Variants in NUTM2E observed in about 807,000 individuals in gnomAD.
The protein encoded by NUTM2E is family with sequence similarity 22, member E.
NUTM2E carries 3 observed loss-of-function variants against 26.1 expected under a neutral mutation model. The ratio of observed to expected loss-of-function variants is 0.12; its 90% CI spans 0.05 to 0.30. The LOEUF (loss-of-function observed/expected upper bound fraction) is 0.30, where lower values mean the gene tolerates loss of function less well. NUTM2E is among the 10% of genes least tolerant of loss of function. The probability of loss-of-function intolerance (pLI) is 1.00; values close to 1 mark genes in which losing one functional copy is unlikely to be tolerated. For synonymous variants in NUTM2E, 13 were observed against 157.5 expected (o/e 0.08, Z 6.87); for missense variants, 62 against 381.3 (o/e 0.16, Z 6.97).
chr10:79,834,102 AAC>A (rs1174833358), intron 1 of NUTM2E, among the ~76,000 whole-genome samples: 1 of 151,628 alleles, frequency 6.6e-6, no homozygotes, highest in African/African-American at 2.4e-5. Context: ...TCAGCAAACT[AAC>A]ACAGGAACAG....
At chr10:79,833,731 G>A (rs1262788366) in intron 1 of NUTM2E, among the ~76,000 whole-genome samples, 1 of 151,882 alleles carries the variant, frequency 6.6e-6, no homozygotes, top group African/African-American at 2.4e-5. Context: ...GAGAGGATGT[G>A]AAGAAACAGG....
intron 1 of NUTM2E, among the ~76,000 whole-genome samples, chr10:79,837,200 C>T (rs1434230110): frequency 6.6e-6 from 1 of 151,828 alleles, no homozygotes; most frequent in Non-Finnish European, 1.5e-5. Flanking sequence ...CAGTATGTTA[C>T]ATTTAATGTC....
At chr10:79,834,091 A>T (rs774485697) in intron 1 of NUTM2E, among the ~76,000 whole-genome samples, 63 of 151,650 alleles carry the variant, frequency 4.2e-4, no homozygotes, top group Non-Finnish European at 8.1e-4. Flanking sequence ...AACCATCATT[A>T]TCAGCAAACT....
At chr10:79,829,004 A>T (rs527970861) in intron 1 of NUTM2E, among the ~76,000 whole-genome samples, 2 of 151,988 alleles carry the variant, frequency 1.3e-5, no homozygotes, top group South Asian at 4.2e-4. Context: ...TATTTATAAT[A>T]TAACTGTTGA....
intron 1 of NUTM2E, among the ~76,000 whole-genome samples, chr10:79,832,461 T>C (rs1841933261): frequency 6.6e-6 from 1 of 151,776 alleles, no homozygotes; most frequent in African/African-American, 2.4e-5. Flanking sequence ...AATCAGTGGG[T>C]ATTTCAGTAT....
intron 5 of NUTM2E, among the ~76,000 whole-genome samples, chr10:79,845,614 G>A (rs948840016): frequency 7.0e-5 from 7 of 99,588 alleles, no homozygotes; most frequent in African/African-American, 1.3e-4. Context: ...CCAAAGCCAC[G>A]GGCTCCAGTG....
At chr10:79,838,707 G>A (rs1356331507) in intron 2 of NUTM2E, among the ~76,000 whole-genome samples, 73 bp from the exon 3 acceptor site, 1 of 151,964 alleles carries the variant, frequency 6.6e-6, no homozygotes, top group African/African-American at 2.4e-5. Context: ...GGGTCGCCCC[G>A]CGGACACTGG....
At chr10:79,832,108 A>G (rs543383490) in intron 1 of NUTM2E, among the ~76,000 whole-genome samples, 147 of 152,242 alleles carry the variant, frequency 9.7e-4, no homozygotes, top group African/African-American at 3.4e-3. Flanking sequence ...AGGGCCCACC[A>G]CTGAATACTA....
At chr10:79,828,102 G>GT (rs1218037966) in intron 1 of NUTM2E, among the ~76,000 whole-genome samples, 1 of 151,462 alleles carries the variant, frequency 6.6e-6, no homozygotes, top group African/African-American at 2.4e-5. Flanking sequence ...GCCGACAGGT[G>GT]TTTTTTATGA....
At chr10:79,834,667 TAA>T (rs377301904) in intron 1 of NUTM2E, among the ~76,000 whole-genome samples, 4 of 135,254 alleles carry the variant, frequency 3.0e-5, no homozygotes, top group Non-Finnish European at 4.8e-5. Context: ...TGCTCCATCT[TAA>T]AAAAAAAAAA....
chr10:79,845,143 C>G (rs1160140823), intron 5 of NUTM2E, among the ~76,000 whole-genome samples: 1 of 112,784 alleles, frequency 8.9e-6, no homozygotes, highest in Non-Finnish European at 2.3e-5. Flanking sequence ...ACAGAAGACC[C>G]AGGTCAGAGA....
At chr10:79,829,445 A>C (rs1177667857) in intron 1 of NUTM2E, among the ~76,000 whole-genome samples, 1 of 151,904 alleles carries the variant, frequency 6.6e-6, no homozygotes, top group Non-Finnish European at 1.5e-5. Flanking sequence ...TAACATAAAA[A>C]GGTTAAATAA....
At position 79,838,391 on chromosome 10, in the gene NUTM2E, TACTC is replaced by T. The variant is rs201210564; in HGVS notation, c.-2643_-2640del. 4.8e-3 allele frequency among the ~76,000 whole-genome samples: 647 copies of T among 135,914 alleles called. 13 individuals carry two copies. The highest frequency in any genetic ancestry group is 0.017 in the African/African-American group (619 of 36,892). 89.2% of individuals were successfully genotyped at this position (135,914 alleles called of 152,430 possible). Reference sequence around the variant, plus strand: ...GATCAAGTCAACAAGCTTCACAACTTACTCAATGAGGTCGTCCGTGAGAACTTCA... The same window carrying T: ...GATCAAGTCAACAAGCTTCACAACTTAATGAGGTCGTCCGTGAGAACTTCA... On this transcript the variant is annotated 5_prime_UTR_variant, in exon 2 of 10. An upstream open reading frame in the 5' UTR loses its in-frame stop. Coordinates refer to ENST00000429984, the MANE Select transcript of NUTM2E (RefSeq NM_001355263.2).
rs1259499327 is a variant in NUTM2E, at chr10:79,840,583, G to T, written c.-1158G>T. ...TTCTCACACAACTGGGGCAGTGGGGGAGAACCCTGGGCTTGAGACTTGCAA... is the reference window on the plus strand; with the variant it reads ...TTCTCACACAACTGGGGCAGTGGGGTAGAACCCTGGGCTTGAGACTTGCAA... On this transcript the variant is annotated 5_prime_UTR_variant, in exon 4 of 10. Transcript: ENST00000429984. 6.9e-6 allele frequency among the ~76,000 whole-genome samples: 1 copy of T among 145,730 alleles called. No individual in the cohort carries two copies. The highest frequency in any genetic ancestry group is 1.5e-5 in the Non-Finnish European group (1 of 65,668).
In NUTM2E at chr10:79,827,130, G is replaced by T. The variant is rs1841888852; in HGVS notation, c.-2955G>T. On this transcript the variant is annotated 5_prime_UTR_variant, in exon 1 of 10. Transcript: ENST00000429984. ...GGTGCGAGCCCCTCGCCCCTGGCCG[G>T]GCCAGCCTCTTGATGCACCGGGGAC... 1 of 152,768 alleles carries T rather than the reference G, an allele frequency of 6.5e-6. No individual in the cohort carries two copies. The highest frequency in any genetic ancestry group is 2.1e-4 in the South Asian group (1 of 4,788). The allele number at this position is 152,768 out of a possible 1,614,324, so 9.5% of individuals were successfully genotyped here.
At chr10:79,836,882 A>T (rs1207871607) in intron 1 of NUTM2E, among the ~76,000 whole-genome samples, 1 of 115,664 alleles carries the variant, frequency 8.6e-6, no homozygotes, top group Non-Finnish European at 2.0e-5. Flanking sequence ...AAACAAAAAC[A>T]AAAACTATGG....
intron 1 of NUTM2E, among the ~76,000 whole-genome samples, chr10:79,834,705 T>C (rs1361396077): frequency 2.7e-5 from 4 of 147,356 alleles, no homozygotes; most frequent in Non-Finnish European, 6.0e-5. Context: ...CAATAAAAAA[T>C]AAAAATAAAA....
rs1841989192 is a variant in NUTM2E at position 79,840,017 on chromosome 10, A to C, written c.-1724A>C. Among the ~76,000 whole-genome samples the C allele has an allele frequency of 6.7e-6, 1 of 149,116 alleles. No homozygotes were observed. Among genetic ancestry groups the C allele is most frequent in the Non-Finnish European group, 1.5e-5 (1 of 67,520 alleles). ...ACTTCCACAATATATTTTTTGTATC[A>C]CTGGCTCAGAAAAAGACTCATTCAA... is the stretch of plus-strand genomic sequence containing the variant. On this transcript the variant is annotated 5_prime_UTR_variant, in exon 4 of 10. Coordinates refer to ENST00000429984, the MANE Select transcript of NUTM2E (RefSeq NM_001355263.2).
At chr10:79,833,350 G>A (rs888221573) in intron 1 of NUTM2E, among the ~76,000 whole-genome samples, 1 of 151,128 alleles carries the variant, frequency 6.6e-6, no homozygotes, top group Non-Finnish European at 1.5e-5. Context: ...GGTTAGAAAT[G>A]TCTTGACAAA....
Sources: gnomAD v4.1 joint callset for allele counts (sites outside exome capture counted in the v4.1 genomes callset) on GRCh38, gnomAD v4.1.1 for gene constraint, MANE v1.5 for transcripts, NCBI Gene and HGNC (gene_info 2026-07-23, HGNC 2026-07-21) for gene names.